Variants in RBMS1 observed in about 807,000 individuals in gnomAD.
The protein encoded by RBMS1 is RNA binding motif single stranded interacting protein 1.
A neutral mutation model predicts 62.3 loss-of-function variants in RBMS1; 17 were observed. The ratio of observed to expected loss-of-function variants is 0.27; its 90% CI spans 0.19 to 0.41. The LOEUF (loss-of-function observed/expected upper bound fraction) is 0.41. Among genes scored for constraint, RBMS1 ranks in the 10% least tolerant of loss-of-function variants. RBMS1 has a pLI of 1.00. For missense variants in RBMS1, 334 were observed against 504.5 expected (o/e 0.66, Z 3.24); for synonymous variants, 172 against 170.0 (o/e 1.01, Z -0.09).
intron 1 of RBMS1, among the ~76,000 whole-genome samples, chr2:160,483,989 C>A (rs7419612): frequency 0.22 from 31,707 of 143,452 alleles, 3,670 homozygotes; most frequent in African/African-American, 0.31. Flanking sequence ...TGTCTTCCTT[C>A]CAGGATAAAA....
intron 1 of RBMS1, among the ~76,000 whole-genome samples, chr2:160,463,222 T>G (rs1225698722): frequency 6.6e-6 from 1 of 152,194 alleles, no homozygotes; most frequent in Non-Finnish European, 1.5e-5. Flanking sequence ...AAAAAGAGGT[T>G]CAAAAAGATG....
intron 2 of RBMS1, among the ~76,000 whole-genome samples, chr2:160,362,334 G>A (rs901526611): frequency 1.3e-5 from 2 of 152,060 alleles, no homozygotes; most frequent in African/African-American, 2.4e-5. Flanking sequence ...GGCCTGTCTC[G>A]GCATTTGGCA....
chr2:160,426,221 G>GAAAGA, intron 1 of RBMS1, among the ~76,000 whole-genome samples: 1 of 52,194 alleles, frequency 1.9e-5, no homozygotes, highest in Non-Finnish European at 3.8e-5. Context: ...AGAGACAGAA[G>GAAAGA]AAAGAAAGAA....
intron 1 of RBMS1, among the ~76,000 whole-genome samples, chr2:160,383,456 G>GGC (rs1694392327): frequency 6.7e-6 from 1 of 148,232 alleles, no homozygotes; most frequent in African/African-American, 2.5e-5. Context: ...CATGAATTGG[G>GGC]GGGGGGGGAA....
At chr2:160,442,878 T>A (rs1441371166) in intron 1 of RBMS1, among the ~76,000 whole-genome samples, 1 of 152,158 alleles carries the variant, frequency 6.6e-6, no homozygotes, top group Non-Finnish European at 1.5e-5. Flanking sequence ...TTTTTCTCCT[T>A]CTTGTTTCTT....
chr2:160,295,868 C>A (rs1688909299), intron 6 of RBMS1, among the ~76,000 whole-genome samples: 1 of 152,198 alleles, frequency 6.6e-6, no homozygotes, highest in African/African-American at 2.4e-5. Flanking sequence ...GATACACCAT[C>A]AAAACAAAAG....
At chr2:160,426,272 A>AGAAAGAAAGAAAGAAAGAAAG (rs1553522561) in intron 1 of RBMS1, among the ~76,000 whole-genome samples, 31 of 127,326 alleles carry the variant, frequency 2.4e-4, no homozygotes, top group Non-Finnish European at 2.5e-4. Context: ...AAAGAAAGAA[A>AGAAAGAAAGAAAGAAAGAAAG]GAAAGAAAGA....
intron 9 of RBMS1, chr2:160,281,850 A>G (rs1175023124): frequency 5.6e-6 from 1 of 178,130 alleles, no homozygotes; most frequent in East Asian, 1.5e-4. Context: ...TTTCATATCT[A>G]GGACATTAAT....
Position 160,288,041 on chromosome 2 carries a change from A to G in RBMS1, c.641-957T>C, listed in dbSNP as rs1279073558. Among the ~76,000 whole-genome samples, 378 of 105,804 alleles carry G rather than the reference A, an allele frequency of 3.6e-3. 3 individuals are homozygous for G. Among genetic ancestry groups the G allele is most frequent in the African/African-American group, 0.011 (359 of 33,066 alleles). The allele number at this position is 105,804 out of a possible 152,430, so 69.4% of individuals were successfully genotyped here. The stretch of plus-strand genomic sequence containing the variant: ...ATTTTCAAAGATATATACTCATTAG[A>G]GTTAAAAAAAAAAAAAAGTCTACAG... On this transcript the variant is annotated intron_variant, in intron 6 of 13. Transcript: ENST00000348849.
In RBMS1 at chr2:160,353,366, A is replaced by T. The variant is rs567909183; in HGVS notation, c.251+13850T>A. Among the ~76,000 whole-genome samples, 6 of 152,232 alleles carry T rather than the reference A, an allele frequency of 3.9e-5. No homozygotes were observed. The South Asian group carries it at 1.2e-3, about 32-fold the overall frequency. ...GTCACCTCCAGCAATGACCAGCCTC[A>T]TCCATAGGTGGCAATCCAACATAAT... is the stretch of plus-strand genomic sequence containing the variant. On this transcript the variant is annotated intron_variant, in intron 2 of 13. Coordinates refer to ENST00000348849, the MANE Select transcript of RBMS1 (RefSeq NM_016836.4).
chr2:160,490,335 T>C (rs967216124), intron 1 of RBMS1, among the ~76,000 whole-genome samples: 5 of 151,448 alleles, frequency 3.3e-5, no homozygotes, highest in Non-Finnish European at 7.4e-5. Context: ...ACCAACAGCA[T>C]GTGAAATCAG....
At chr2:160,433,412 G>C (rs756357159) in intron 1 of RBMS1, among the ~76,000 whole-genome samples, 13 of 152,106 alleles carry the variant, frequency 8.5e-5, no homozygotes. Context: ...AGACCTTGTC[G>C]CCAGAAAAAA....
chr2:160,353,788 C>T (rs570258846), intron 2 of RBMS1, among the ~76,000 whole-genome samples: 9 of 152,084 alleles, frequency 5.9e-5, no homozygotes, highest in East Asian at 1.9e-4. Context: ...CATAAAAAGA[C>T]GAAATCAAGC....
intron 1 of RBMS1, among the ~76,000 whole-genome samples, chr2:160,369,331 G>T (rs1317285382): frequency 1.3e-5 from 2 of 151,950 alleles, no homozygotes; most frequent in African/African-American, 2.4e-5. Context: ...TCTGCCACAG[G>T]TGGCACCTCA....
At chr2:160,311,210 A>AACTCTCTCTCTCTCTCTC (rs1407068145) in intron 4 of RBMS1, among the ~76,000 whole-genome samples, 1 of 56,612 alleles carries the variant, frequency 1.8e-5, no homozygotes, top group African/African-American at 6.7e-5. Flanking sequence ...AAAAAAAAAA[A>AACTCTCTCTCTCTCTCTC]TCTATCTATC....
chr2:160,344,227 A>T (rs754621092), intron 2 of RBMS1, among the ~76,000 whole-genome samples: 1 of 152,200 alleles, frequency 6.6e-6, no homozygotes, highest in Non-Finnish European at 1.5e-5. Flanking sequence ...TAGTCCTCGC[A>T]ATAGCCAGTA....
At chr2:160,487,561 A>G (rs1462076545) in intron 1 of RBMS1, among the ~76,000 whole-genome samples, 1 of 152,224 alleles carries the variant, frequency 6.6e-6, no homozygotes, top group Admixed American at 6.5e-5. Context: ...CATGAGCCTC[A>G]GCAATTTTAC....
At chr2:160,324,939 T>G (rs564456637) in intron 2 of RBMS1, among the ~76,000 whole-genome samples, 1 of 130,338 alleles carries the variant, frequency 7.7e-6, no homozygotes, top group African/African-American at 3.1e-5. Flanking sequence ...CACACACACA[T>G]ATATATGCGC....
At chr2:160,371,702 C>T (rs1164470577) in intron 1 of RBMS1, among the ~76,000 whole-genome samples, 1 of 152,136 alleles carries the variant, frequency 6.6e-6, no homozygotes, top group Non-Finnish European at 1.5e-5. Context: ...CGTTCATCAG[C>T]ACTCAGAGAG....
Sources: allele counts gnomAD v4.1 joint callset (sites outside exome capture counted in the v4.1 genomes callset), GRCh38; gene constraint gnomAD v4.1.1; transcripts MANE v1.5; gene names NCBI Gene and HGNC (gene_info 2026-07-23, HGNC 2026-07-21).